Variants in TTN observed in about 807,000 individuals in gnomAD.
The protein encoded by TTN is connectin.
In TTN, 1,525 loss-of-function variants were observed where a neutral mutation model predicts 3,223.0. The ratio of observed to expected loss-of-function variants is 0.47; its 90% CI spans 0.45 to 0.49. The LOEUF (loss-of-function observed/expected upper bound fraction) is 0.49, where lower values mean the gene tolerates loss of function less well. TTN is among the 20% of genes least tolerant of loss of function. TTN has a pLI of 0.00. For missense variants in TTN, 40,786 were observed against 43,424.0 expected, an observed-to-expected ratio of 0.94 and a Z score of 5.40; for synonymous variants, 14,094 against 15,161.0, an observed-to-expected ratio of 0.93 and a Z score of 5.17.
intron 2 of TTN, 74 bp downstream of exon 2, chr2:178,804,478 G>T (rs2094218343): frequency 6.9e-7 from 1 of 1,459,108 alleles, no homozygotes; most frequent in Non-Finnish European, 9.6e-7. Context: ...TTGGCGTCAA[G>T]TCCTGCAGCA....
rs369462940 is a variant in TTN at position 178,799,727 on chromosome 2, A to G, written c.674T>C (p.Ile225Thr). ...ESRQTRIEKK[I>T]EAHFDARSIA... ...TGATCTGGCATCAAAGTGGGCTTCA[A>G]TCTTCTGTAAAAGATTAAAACAAAG... The change falls in exon 6 of 363, where the codon ATT (isoleucine) becomes ACT (threonine). Residue 225 changes from isoleucine (I) to threonine (T), a missense_variant. Coordinates refer to ENST00000589042, the MANE Select transcript of TTN (RefSeq NM_001267550.2). 1.2e-6 allele frequency: 2 copies of G among 1,614,190 alleles called. No individual in the cohort carries two copies. The highest frequency in any genetic ancestry group is 1.7e-6 in the Non-Finnish European group (2 of 1,180,014).
chr2:178,526,969 G>A lies in TTN; in HGVS notation c.*43C>T, dbSNP rs72629794. 1,447 of 1,484,682 alleles carry A rather than the reference G, an allele frequency of 9.7e-4. 19 individuals are homozygous for A. In the African/African-American group the frequency reaches 0.018, roughly 18 times the overall value. The allele number at this position is 1,484,682 out of a possible 1,614,324, so 92.0% of individuals were successfully genotyped here. A position where few individuals can be genotyped will look rare whatever the true frequency, so the allele number is the denominator to read the frequency against. On this transcript the variant is annotated 3_prime_UTR_variant, in exon 363 of 363. Coordinates refer to ENST00000589042, the MANE Select transcript of TTN (RefSeq NM_001267550.2). ...AGATTAGTCCGTGTGAAACGTTTGC[G>A]AAAAGTTAAGAATGAGTGTAGAGTA... is the stretch of plus-strand genomic sequence containing the variant.
At position 178,724,327 on chromosome 2, in the gene TTN, G is replaced by A; in HGVS notation, c.21048C>T (p.Gly7016=). 3 of 1,613,546 alleles carry A rather than the reference G, an allele frequency of 1.9e-6. No homozygotes were observed. Among genetic ancestry groups the A allele is most frequent in the Non-Finnish European group, 1.7e-6 (2 of 1,179,622 alleles). ...RILSVERQDA[G]TYTFQVQNNV... ...TATTTTGAACCTGGAAAGTGTATGT[G>A]CCTGCATCTTGCCTTTCAACTGAGA... The change falls in exon 72 of 363, where the codon GGC becomes GGT. Residue 7016 remains glycine (G), a synonymous_variant. Coordinates refer to ENST00000589042, the MANE Select transcript of TTN (RefSeq NM_001267550.2).
chr2:178,648,640 C>G (rs2062412727), intron 213 of TTN, among the ~76,000 whole-genome samples: 1 of 152,136 alleles, frequency 6.6e-6, no homozygotes, highest in African/African-American at 2.4e-5. Flanking sequence ...GAACTCCTGA[C>G]CTCAAGTGAT....
At position 178,717,925 on chromosome 2, in the gene TTN, G is replaced by T. The variant is rs541890371; in HGVS notation, c.25063+18C>A. ...AAATGAATCTGTTCACACACACTAGGTTAAACAACACCATCACCTTTGATA... is the reference window on the plus strand; with the variant it reads ...AAATGAATCTGTTCACACACACTAGTTTAAACAACACCATCACCTTTGATA... On this transcript the variant is annotated intron_variant, in intron 86 of 362. Transcript: ENST00000589042. The T allele has an allele frequency of 1.2e-6, 2 of 1,606,448 alleles. No individual in the cohort carries two copies. The highest frequency in any genetic ancestry group is 1.7e-6 in the Non-Finnish European group (2 of 1,174,964).
Position 178,718,407 on chromosome 2 carries a change from G to A in TTN, c.24699C>T (p.Ser8233=), listed in dbSNP as rs769004973. The A allele has an allele frequency of 1.9e-6, 3 of 1,613,764 alleles. No homozygotes were observed. The highest frequency in any genetic ancestry group is 2.5e-6 in the Non-Finnish European group (3 of 1,179,742). ...EKSTILEILE[S]TIEDYAQYSC... ...TGTACTGTGCATAATCCTCTATTGTGCTCTCAAGAATTTCCAGTATGGTAG... is the reference window on the plus strand; with the variant it reads ...TGTACTGTGCATAATCCTCTATTGTACTCTCAAGAATTTCCAGTATGGTAG... The change falls in exon 85 of 363, where the codon AGC becomes AGT. Residue 8233 remains serine (S), a synonymous_variant. Transcript: ENST00000589042.
chr2:178,578,498 C>G (rs1051849128), intron 321 of TTN, 113 bp downstream of exon 321: 13 of 803,458 alleles, frequency 1.6e-5, no homozygotes, highest in Non-Finnish European at 2.4e-5. Flanking sequence ...AATAAAAACA[C>G]ATTTCTGTAT....
intron 96 of TTN, 31 bp downstream of exon 96, chr2:178,711,913 A>C: frequency 6.5e-7 from 1 of 1,529,678 alleles, no homozygotes; most frequent in Non-Finnish European, 8.8e-7. Context: ...AAGAAACACA[A>C]ATTCGTTCAC....
intron 43 of TTN, chr2:178,760,950 T>C (rs908901560): frequency 1.1e-4 from 16 of 152,274 alleles, no homozygotes; most frequent in African/African-American, 3.9e-4. Context: ...CTTCTTCCTT[T>C]GGTGAACTGA....
At position 178,573,021 on chromosome 2, in the gene TTN, G is replaced by T. The variant is rs1319568037; in HGVS notation, c.73111C>A (p.Gln24371Lys). Reference sequence around the variant, plus strand: ...AGTCCTGCTGGTGGAGTGACAATCTGCCATTCATCTTCCTCTGGCAGGGCA... The same window carrying T: ...AGTCCTGCTGGTGGAGTGACAATCTTCCATTCATCTTCCTCTGGCAGGGCA... Reference protein sequence around the residue: ...EIALPEEDEWQIVTPPAGLKA... With the variant: ...EIALPEEDEWKIVTPPAGLKA... The change falls in exon 326 of 363, where the codon CAG becomes AAG. Residue 24371 changes from glutamine (Q) to lysine (K), a missense_variant. Gln to Lys is a moderately conservative substitution (Grantham distance 53). Transcript: ENST00000589042. 20 of 1,612,964 alleles carry T rather than the reference G, an allele frequency of 1.2e-5. No individual in the cohort carries two copies. Among genetic ancestry groups the T allele is most frequent in the Non-Finnish European group, 1.7e-5 (20 of 1,179,454 alleles).
In TTN at chr2:178,579,698, A is replaced by C. The variant is rs760079543; in HGVS notation, c.67499T>G (p.Val22500Gly). 6.2e-7 allele frequency: 1 copy of C among 1,613,166 alleles called. No individual in the cohort carries two copies. Among genetic ancestry groups the C allele is most frequent in the East Asian group, 2.2e-5 (1 of 44,740 alleles). ...GTACTGTAGGCTTAAGGATTTCATA[A>C]CTCGTTGCCACTTATTTTCTTCAGT... ...FLTEENKWQRVMKSLSLQYSA... is the reference protein window; with the variant it reads ...FLTEENKWQRGMKSLSLQYSA... Residue 22500 changes from valine (V) to glycine (G), a missense_variant, in exon 319 of 363, where the codon GTT becomes GGT. Val to Gly is a moderately radical substitution (Grantham distance 109). Coordinates refer to ENST00000589042, the MANE Select transcript of TTN (RefSeq NM_001267550.2).
In TTN at chr2:178,717,675, A is replaced by C; in HGVS notation, c.25199T>G (p.Leu8400Trp). The change falls in exon 87 of 363, where the codon TTG (leucine) becomes TGG (tryptophan). Residue 8400 changes from leucine to tryptophan, a missense_variant. Physicochemically the swap from Leu to Trp is moderately conservative, Grantham distance 61 (BLOSUM62 -2). Coordinates refer to ENST00000589042, the MANE Select transcript of TTN (RefSeq NM_001267550.2). ...QVSWYKDGVL[L>W]KDDANLQTSF... ...TGTCTGCAAATTAGCATCATCTTTC[A>C]AAAGAACCCCATCCTTGTACCAAGA... 6.2e-7 allele frequency: 1 copy of C among 1,613,500 alleles called. No individual in the cohort carries two copies. The highest frequency in any genetic ancestry group is 1.1e-5 in the South Asian group (1 of 91,026).
rs370520319 is a variant in TTN, at chr2:178,651,740, G to A, written c.39389C>T (p.Pro13130Leu). 8.7e-6 allele frequency: 14 copies of A among 1,612,760 alleles called. No homozygotes were observed. The African/African-American group carries it at 1.6e-4, about 18-fold the overall frequency. ...EPAAPPQVTV[P>L]PKKPVPEKKA... Reference sequence around the variant, plus strand: ...CTTTTCTGGGACAGGTTTCTTAGGTGGTACGGTCACTAAAGAATTAGAAGG... The same window carrying A: ...CTTTTCTGGGACAGGTTTCTTAGGTAGTACGGTCACTAAAGAATTAGAAGG... Residue 13130 changes from proline to leucine, a missense_variant, in exon 206 of 363, where the codon CCA (proline) becomes CTA (leucine). Coordinates refer to ENST00000589042, the MANE Select transcript of TTN (RefSeq NM_001267550.2).
intron 281 of TTN, 131 bp downstream of exon 281, chr2:178,604,577 C>A: frequency 9.5e-7 from 1 of 1,056,814 alleles, no homozygotes; most frequent in South Asian, 1.8e-5. Context: ...CTAAACACTA[C>A]AATAACAAAA....
Position 178,678,655 on chromosome 2 carries a change from T to C in TTN, c.33826+92A>G, listed in dbSNP as rs575431423. 57 of 1,249,654 alleles carry C rather than the reference T, an allele frequency of 4.6e-5. 1 individual carries two copies. The South Asian group carries it at 8.5e-4, about 19-fold the overall frequency. The allele number at this position is 1,249,654 out of a possible 1,614,324, so 77.4% of individuals were successfully genotyped here. On this transcript the variant is annotated intron_variant, in intron 143 of 362. Transcript: ENST00000589042. ...AAAATATTTAATTTTCTCTAAAGAG[T>C]TGCATCCCAAAGAGTACAGAATTAA...
rs1446269783 is a variant in TTN at position 178,608,352 on chromosome 2, C to G, written c.52531G>C (p.Val17511Leu). Reference protein sequence around the residue: ...ILGYWLEKREVNSTHWSRVNK... With the variant: ...ILGYWLEKRELNSTHWSRVNK... ...ACACGAGACCAATGTGTACTGTTAA[C>G]TTCACGTTTTTCAAGCCAGTAACCC... is the stretch of plus-strand genomic sequence containing the variant. The change falls in exon 275 of 363, where the codon GTT becomes CTT. Residue 17511 changes from valine (V) to leucine (L), a missense_variant. Val to Leu is a conservative substitution (Grantham distance 32). Transcript: ENST00000589042. The G allele has an allele frequency of 3.1e-6, 5 of 1,612,098 alleles. No individual in the cohort carries two copies. The highest frequency in any genetic ancestry group is 1.6e-4 in the Middle Eastern group (1 of 6,070).
In TTN at chr2:178,601,733, G is replaced by C; in HGVS notation, c.55357C>G (p.His18453Asp). The change falls in exon 286 of 363, where the codon CAT becomes GAT. Residue 18453 changes from histidine to aspartate, a missense_variant. Physicochemically the swap from His to Asp is moderately conservative, Grantham distance 81. Transcript: ENST00000589042. ...GCTGTGATGCTGTATTTGCCTGTATGAGATCGTTTACACTCCGGAATAATA... is the reference window on the plus strand; with the variant it reads ...GCTGTGATGCTGTATTTGCCTGTATCAGATCGTTTACACTCCGGAATAATA... ...VIIIPECKRSHTGKYSITAKN... is the reference protein window; with the variant it reads ...VIIIPECKRSDTGKYSITAKN... 2 of 1,610,040 alleles carry C rather than the reference G, an allele frequency of 1.2e-6. No homozygotes were observed. Among genetic ancestry groups the C allele is most frequent in the Non-Finnish European group, 1.7e-6 (2 of 1,178,654 alleles).
In TTN at chr2:178,548,413, A is replaced by T; in HGVS notation, c.93213T>A (p.Thr31071=). The T allele has an allele frequency of 1.2e-6, 2 of 1,613,866 alleles. No homozygotes were observed. Among genetic ancestry groups the T allele is most frequent in the Non-Finnish European group, 1.7e-6 (2 of 1,179,796 alleles). ...GGTCATTGACCTTGAAGATCTGACG[A>T]GTGCATTTTTCACTGATAACCTGCC... ...RSWQVISEKC[T]RQIFKVNDLA... The change falls in exon 339 of 363, where the codon ACT becomes ACA. Residue 31071 remains threonine (T), a synonymous_variant. Transcript: ENST00000589042. The surrounding 1 kb of genome is among the most constrained non-coding windows in gnomAD (Gnocchi z 4.3).
rs1175538754 is a variant in TTN, at chr2:178,774,096, T to C, written c.7072A>G (p.Ile2358Val). The C allele has an allele frequency of 1.9e-6, 3 of 1,613,976 alleles. No homozygotes were observed. Among genetic ancestry groups the C allele is most frequent in the Admixed American group, 3.3e-5 (2 of 59,992 alleles). ...TTTTGGTCACTAAGTCCTTGTAGGA[T>C]AGCAATGGGGCGGGCTGTGAAATAT... ...KLKMKPRPIA[I>V]LQGLSDQKVC... is the part of the protein sequence containing the mutation. The change falls in exon 31 of 363, where the codon ATC (isoleucine) becomes GTC (valine). Residue 2358 changes from isoleucine (I) to valine (V), a missense_variant. By Grantham distance (29) the Ile-to-Val change is conservative (BLOSUM62 3). Coordinates refer to ENST00000589042, the MANE Select transcript of TTN (RefSeq NM_001267550.2).
Sources: allele counts gnomAD v4.1 joint callset (sites outside exome capture counted in the v4.1 genomes callset), GRCh38; gene constraint gnomAD v4.1.1; non-coding constraint Gnocchi (gnomAD v3.1); transcripts MANE v1.5; gene names NCBI Gene and HGNC (gene_info 2026-07-23, HGNC 2026-07-21).